FAM227B: variants seen among roughly 807,000 people sequenced by gnomAD.
FAM227B encodes the protein family with sequence similarity 227 member B, also known as protein FAM227B.
FAM227B carries 88 observed loss-of-function variants against 73.8 expected under a neutral mutation model. The observed-to-expected ratio is 1.19, with a 90% CI of 1.00 to 1.42. FAM227B has a LOEUF of 1.42. Ranked by LOEUF, FAM227B falls within the 40% of genes most tolerant of loss-of-function variation. The probability of loss-of-function intolerance (pLI) is 0.00; values close to 1 mark genes in which losing one functional copy is unlikely to be tolerated. For synonymous variants in FAM227B, 210 were observed against 190.5 expected, an observed-to-expected ratio of 1.10 and a Z score of -0.84; for missense variants, 632 against 590.9, an observed-to-expected ratio of 1.07 and a Z score of -0.72.
intron 13 of FAM227B, among the ~76,000 whole-genome samples, chr15:49,342,224 A>G (rs984359132): frequency 6.6e-6 from 1 of 152,166 alleles, no homozygotes; most frequent in Non-Finnish European, 1.5e-5. Context: ...TGCTGGGTGC[A>G]TATATATTTA....
chr15:49,421,879 T>G (rs1351386871), intron 11 of FAM227B, among the ~76,000 whole-genome samples: 1 of 152,184 alleles, frequency 6.6e-6, no homozygotes, highest in Non-Finnish European at 1.5e-5. Flanking sequence ...TTTCTAGCTT[T>G]CAACAGATGC....
intron 11 of FAM227B, among the ~76,000 whole-genome samples, chr15:49,461,347 A>G (rs1437615088): frequency 1.3e-5 from 2 of 152,222 alleles, no homozygotes; most frequent in Non-Finnish European, 2.9e-5. Flanking sequence ...CTGAGTAGGT[A>G]TACAGTCAAT....
chr15:49,401,991 T>TA (rs1333251096), intron 11 of FAM227B, among the ~76,000 whole-genome samples: 2 of 151,344 alleles, frequency 1.3e-5, no homozygotes, highest in East Asian at 1.9e-4. Flanking sequence ...CCCTAAAACT[T>TA]AAAGTATAAT....
chr15:49,335,896 A>G (rs750590337), intron 13 of FAM227B, among the ~76,000 whole-genome samples: 1 of 152,188 alleles, frequency 6.6e-6, no homozygotes, highest in Non-Finnish European at 1.5e-5. Flanking sequence ...TTTGTCACCC[A>G]GGCTGGAGTG....
At chr15:49,410,458 GTCT>G (rs757097292) in intron 11 of FAM227B, among the ~76,000 whole-genome samples, 22 of 151,844 alleles carry the variant, frequency 1.4e-4, no homozygotes, top group Non-Finnish European at 2.8e-4. Context: ...TAATGTTTTT[GTCT>G]TCTTTTTTCA....
chr15:49,560,580 A>G (rs1017110063), intron 9 of FAM227B, among the ~76,000 whole-genome samples: 3 of 152,172 alleles, frequency 2.0e-5, no homozygotes, highest in African/African-American at 4.8e-5. Flanking sequence ...TAGTCAACAG[A>G]GTGTCTAAGG....
At chr15:49,385,862 G>C (rs1390944381) in intron 11 of FAM227B, among the ~76,000 whole-genome samples, 1 of 151,598 alleles carries the variant, frequency 6.6e-6, no homozygotes, top group Non-Finnish European at 1.5e-5. Context: ...TCTTTTATCA[G>C]ACAAAACAGA....
rs567292721 is a variant in FAM227B, at chr15:49,567,434, A to G, written c.747+811T>C. ...CAAGTATCCTTATTCCCAGTCTACT[A>G]GTGATAGTTTCTTTCTATCAAACTT... On this transcript the variant is annotated intron_variant, in intron 9 of 15. Transcript: ENST00000299338. Among the ~76,000 whole-genome samples, 4 of 152,216 alleles carry G rather than the reference A, an allele frequency of 2.6e-5. No individual in the cohort carries two copies. The South Asian group carries it at 8.3e-4, about 32-fold the overall frequency.
At chr15:49,565,339 G>A (rs1048502948) in intron 9 of FAM227B, among the ~76,000 whole-genome samples, 8 of 141,664 alleles carry the variant, frequency 5.6e-5, no homozygotes, top group Middle Eastern at 4.4e-3. Flanking sequence ...CCGTGATTGC[G>A]CCACTGAACT....
intron 11 of FAM227B, chr15:49,424,622 CT>C (rs750764359): frequency 7.0e-7 from 1 of 1,435,298 alleles, no homozygotes; most frequent in African/African-American, 1.4e-5. Flanking sequence ...CCTTAGCAAT[CT>C]GTTAATGGAT....
chr15:49,508,697 G>A (rs150394453), intron 10 of FAM227B, among the ~76,000 whole-genome samples: 82 of 152,078 alleles, frequency 5.4e-4, no homozygotes, highest in African/African-American at 1.7e-3. Context: ...TTTTCTCAGC[G>A]GTGAGTGTTC....
chr15:49,547,557 T>C (rs1189199773), intron 9 of FAM227B, among the ~76,000 whole-genome samples: 1 of 152,046 alleles, frequency 6.6e-6, no homozygotes, highest in Non-Finnish European at 1.5e-5. Context: ...GAGACACACA[T>C]AGGCTCAAAA....
intron 11 of FAM227B, among the ~76,000 whole-genome samples, chr15:49,374,686 G>A (rs989811821): frequency 2.0e-5 from 3 of 152,180 alleles, no homozygotes; most frequent in Admixed American, 6.5e-5. Flanking sequence ...GAGATTACAG[G>A]TGTTCACCAC....
intron 10 of FAM227B, among the ~76,000 whole-genome samples, chr15:49,524,291 C>G (rs1187659177): frequency 1.3e-5 from 2 of 152,100 alleles, no homozygotes; most frequent in East Asian, 3.8e-4. Flanking sequence ...TTCCTGTGTT[C>G]CAGCCACTCC....
At chr15:49,587,234 A>G (rs928032609) in intron 5 of FAM227B, among the ~76,000 whole-genome samples, 2 of 152,198 alleles carry the variant, frequency 1.3e-5, no homozygotes, top group African/African-American at 4.8e-5. Flanking sequence ...GCAGGAACAG[A>G]AAAACAAATA....
At chr15:49,435,460 C>T (rs1325790567) in intron 11 of FAM227B, among the ~76,000 whole-genome samples, 1 of 151,580 alleles carries the variant, frequency 6.6e-6, no homozygotes, top group Non-Finnish European at 1.5e-5. Context: ...GTTTTATGCC[C>T]TCTAATTCAT....
chr15:49,584,766 A>C (rs2076041456), intron 5 of FAM227B, among the ~76,000 whole-genome samples: 1 of 152,164 alleles, frequency 6.6e-6, no homozygotes, highest in Admixed American at 6.6e-5. Flanking sequence ...CGATTGCCAC[A>C]GACACACAAA....
At chr15:49,537,353 C>T (rs565183975) in intron 10 of FAM227B, among the ~76,000 whole-genome samples, 20 of 151,926 alleles carry the variant, frequency 1.3e-4, no homozygotes, top group African/African-American at 4.1e-4. Flanking sequence ...TAGGGAAATG[C>T]AAATTAAAAC....
intron 13 of FAM227B, among the ~76,000 whole-genome samples, chr15:49,351,152 A>G (rs1262398134): frequency 1.3e-5 from 2 of 152,022 alleles, no homozygotes; most frequent in Non-Finnish European, 2.9e-5. Context: ...CACTTATTTG[A>G]ATTCAGGTAG....
Sources: allele counts gnomAD v4.1 joint callset (sites outside exome capture counted in the v4.1 genomes callset), GRCh38; gene constraint gnomAD v4.1.1; transcripts MANE v1.5; gene names NCBI Gene and HGNC (gene_info 2026-07-23, HGNC 2026-07-21).